Variants in KHDRBS2 observed in about 807,000 individuals in gnomAD.
KHDRBS2 encodes the protein KH domain-containing, RNA-binding, signal transduction-associated protein 2.
KHDRBS2 carries 26 observed loss-of-function variants against 44.3 expected under a neutral mutation model. That is an observed-to-expected ratio of 0.59 (90% CI 0.43 to 0.81). KHDRBS2 has a LOEUF of 0.81. KHDRBS2 is among the 40% of genes least tolerant of loss of function. KHDRBS2 has a pLI of 0.00. For missense variants in KHDRBS2, 476 were observed against 433.1 expected (o/e 1.10, Z -0.88); for synonymous variants, 194 against 151.1 (o/e 1.28, Z -2.08).
At chr6:61,984,092 TCAAAAATTTCACCAGAACACTTG>T (rs1433825910) in intron 3 of KHDRBS2, among the ~76,000 whole-genome samples, 1 of 152,092 alleles carries the variant, frequency 6.6e-6, no homozygotes, top group Non-Finnish European at 1.5e-5. Flanking sequence ...TTTGGGCCAC[TCAAAAATTTCACCAGAACACTTG>T]CACCTTCCAT....
chr6:62,156,336 A>G (rs1238154818), intron 2 of KHDRBS2, among the ~76,000 whole-genome samples: 1 of 152,150 alleles, frequency 6.6e-6, no homozygotes, highest in Non-Finnish European at 1.5e-5. Flanking sequence ...TTAATACTCA[A>G]TTTCAGAGAG....
chr6:61,973,005 G>A (rs1410836784), intron 4 of KHDRBS2, among the ~76,000 whole-genome samples: 4 of 152,128 alleles, frequency 2.6e-5, no homozygotes, highest in African/African-American at 9.7e-5. Context: ...AATAAGCTGT[G>A]TGTGGTGGCA....
At chr6:61,664,021 TAAAATAGA>T in the KHDRBS2 span, among the ~76,000 whole-genome samples, 1 of 151,832 alleles carries the variant, frequency 6.6e-6, no homozygotes. Context: ...AAAACAGGGT[TAAAATAGA>T]AATAACCGGG....
In KHDRBS2 at chr6:62,146,637, T is replaced by C. The variant is rs574496872; in HGVS notation, c.219+30548A>G. Among the ~76,000 whole-genome samples the C allele has an allele frequency of 2.0e-5, 3 of 151,954 alleles. No individual in the cohort carries two copies. The South Asian group carries it at 6.2e-4, about 31-fold the overall frequency. ...CCAAGGTCTCTTATCCACAGGGTAATAGATTTATTTTTTTAAATAAAAATA... is the reference window on the plus strand; with the variant it reads ...CCAAGGTCTCTTATCCACAGGGTAACAGATTTATTTTTTTAAATAAAAATA... On this transcript the variant is annotated intron_variant, in intron 2 of 8. Coordinates refer to ENST00000281156, the MANE Select transcript of KHDRBS2 (RefSeq NM_152688.4).
chr6:61,804,050 G>A (rs1161039206), intron 6 of KHDRBS2, among the ~76,000 whole-genome samples: 6 of 151,912 alleles, frequency 3.9e-5, no homozygotes, highest in African/African-American at 1.5e-4. Flanking sequence ...GCCCCCCAAA[G>A]TCATAATTCA....
rs1770338374 is a variant in KHDRBS2 at position 61,967,651 on chromosome 6, A to G, written c.483+10415T>C. On this transcript the variant is annotated intron_variant, in intron 4 of 8. Transcript: ENST00000281156. Reference sequence around the variant, plus strand: ...AGTGGAGGTAAGCAAGTCGGTTGGGAAGAGGCTGAAAGTGAATAAGCACAC... The same window carrying G: ...AGTGGAGGTAAGCAAGTCGGTTGGGGAGAGGCTGAAAGTGAATAAGCACAC... 5.9e-5 allele frequency among the ~76,000 whole-genome samples: 9 copies of G among 151,950 alleles called. No homozygotes were observed. In the South Asian group the frequency reaches 1.9e-3, roughly 32 times the overall value.
the KHDRBS2 span, among the ~76,000 whole-genome samples, chr6:61,586,801 T>C: frequency 1.3e-5 from 2 of 152,128 alleles, no homozygotes; most frequent in African/African-American, 4.8e-5. Context: ...GCCCTGAAGA[T>C]AGCATTCAAG....
intron 4 of KHDRBS2, among the ~76,000 whole-genome samples, chr6:61,905,213 G>T (rs1200164195): frequency 2.6e-5 from 4 of 152,142 alleles, no homozygotes; most frequent in African/African-American, 7.2e-5. Flanking sequence ...CATATTTTGA[G>T]CCAGAGATTG....
At chr6:61,788,732 T>G (rs1347968908) in intron 6 of KHDRBS2, among the ~76,000 whole-genome samples, 1 of 151,324 alleles carries the variant, frequency 6.6e-6, no homozygotes, top group African/African-American at 2.4e-5. Flanking sequence ...GGAGAATAAT[T>G]TTCAATTACA....
chr6:62,149,568 C>T (rs556156036), intron 2 of KHDRBS2, among the ~76,000 whole-genome samples: 7 of 152,082 alleles, frequency 4.6e-5, no homozygotes, highest in Non-Finnish European at 7.4e-5. Context: ...CAAGTATTAA[C>T]CCACTGGTGT....
chr6:61,879,278 A>G (rs1799883684), intron 6 of KHDRBS2, among the ~76,000 whole-genome samples: 1 of 151,988 alleles, frequency 6.6e-6, no homozygotes, highest in African/African-American at 2.4e-5. Flanking sequence ...TCAAGAAAAT[A>G]TCAGCATATA....
At chr6:62,215,924 CTA>C (rs1829903542) in intron 1 of KHDRBS2, among the ~76,000 whole-genome samples, 2 of 151,708 alleles carry the variant, frequency 1.3e-5, no homozygotes, top group African/African-American at 4.8e-5. Context: ...ATATGATACT[CTA>C]TGATTGTTTA....
intron 1 of KHDRBS2, among the ~76,000 whole-genome samples, chr6:62,200,012 T>G (rs1167300890): frequency 6.6e-6 from 1 of 152,172 alleles, no homozygotes; most frequent in Non-Finnish European, 1.5e-5. Context: ...TAAATGGTGC[T>G]GGGAAAACTG....
intron 4 of KHDRBS2, among the ~76,000 whole-genome samples, chr6:61,973,652 T>C (rs1771893632): frequency 6.6e-6 from 1 of 152,168 alleles, no homozygotes; most frequent in Admixed American, 6.6e-5. Flanking sequence ...TAAAATCTTA[T>C]ATATGAGTCT....
chr6:61,824,164 C>T (rs1278094705), intron 6 of KHDRBS2, among the ~76,000 whole-genome samples: 1 of 152,052 alleles, frequency 6.6e-6, no homozygotes, highest in African/African-American at 2.4e-5. Context: ...TTTTATTCAT[C>T]TTGTCTAGTC....
rs546697816 is a variant in KHDRBS2, at chr6:61,858,478, A to G, written c.810+36157T>C. ...CCCCATAATTTTAAATTTTAACTGA[A>G]AATGTTTTTGACCCTTGTAAAGATG... On this transcript the variant is annotated intron_variant, in intron 6 of 8. Transcript: ENST00000281156. 9.6e-4 allele frequency among the ~76,000 whole-genome samples: 146 copies of G among 152,010 alleles called. 2 individuals carry two copies. The highest frequency in any genetic ancestry group is 3.2e-3 in the African/African-American group (134 of 41,526).
In KHDRBS2 at chr6:62,123,852, T is replaced by G. The variant is rs530098752; in HGVS notation, c.219+53333A>C. Among the ~76,000 whole-genome samples the G allele has an allele frequency of 2.0e-5, 3 of 152,320 alleles. No individual in the cohort carries two copies. The South Asian group carries it at 6.2e-4, about 32-fold the overall frequency. On this transcript the variant is annotated intron_variant, in intron 2 of 8. Coordinates refer to ENST00000281156, the MANE Select transcript of KHDRBS2 (RefSeq NM_152688.4). ...TATTGCTCCTTTTGTTGTTATGTAC[T>G]GTTTTGTTGACACATTTGCATTTAT... is the stretch of plus-strand genomic sequence containing the variant.
the KHDRBS2 span, among the ~76,000 whole-genome samples, chr6:61,556,033 T>C: frequency 0.21 from 32,117 of 151,980 alleles, 3,631 homozygotes; most frequent in East Asian, 0.29. Context: ...ACAGGATGAG[T>C]TCTTGTCACC....
At chr6:62,066,207 C>A (rs540926050) in intron 2 of KHDRBS2, among the ~76,000 whole-genome samples, 1 of 151,572 alleles carries the variant, frequency 6.6e-6, no homozygotes, top group Non-Finnish European at 1.5e-5. Context: ...AAAAGCAAAC[C>A]CTATTTTTTC....
Sources: gnomAD v4.1 joint callset for allele counts (sites outside exome capture counted in the v4.1 genomes callset) on GRCh38, gnomAD v4.1.1 for gene constraint, MANE v1.5 for transcripts, NCBI Gene and HGNC (gene_info 2026-07-23, HGNC 2026-07-21) for gene names.